The following FAT3 variants were observed in gnomAD, a reference collection of about 807,000 sequenced individuals.
FAT3 encodes the protein protocadherin Fat 3.
FAT3 carries 95 observed loss-of-function variants against 310.2 expected under a neutral mutation model. The ratio of observed to expected loss-of-function variants is 0.31; its 90% CI spans 0.26 to 0.36. FAT3 has a LOEUF of 0.36. FAT3 is among the 10% of genes least tolerant of loss of function. The pLI, the probability that FAT3 is intolerant of heterozygous loss-of-function variation, is 1.00. For missense variants in FAT3, 5,408 were observed against 5,715.6 expected (o/e 0.95, Z 1.74); for synonymous variants, 2,314 against 2,192.9 (o/e 1.06, Z -1.54).
intron 4 of FAT3, among the ~76,000 whole-genome samples, chr11:92,728,206 G>T (rs1945057427): frequency 6.6e-6 from 1 of 152,156 alleles, no homozygotes; most frequent in Non-Finnish European, 1.5e-5. Context: ...ATTATTAAGA[G>T]GAGTTCTAAA....
In FAT3 at chr11:92,631,070, C is replaced by A. The variant is rs1026446652; in HGVS notation, c.3608-66314C>A. ...AAGTCAAGAATTTTGATATTTATTT[C>A]CCTCCTTCAGGTCTTCAGCACCAAA... On this transcript the variant is annotated intron_variant, in intron 3 of 27. Coordinates refer to ENST00000525166, the MANE Select transcript of FAT3 (RefSeq NM_001367949.2). 7.2e-5 allele frequency among the ~76,000 whole-genome samples: 11 copies of A among 152,290 alleles called. No homozygotes were observed. In the South Asian group the frequency reaches 1.7e-3, roughly 23 times the overall value.
At chr11:92,533,548 T>A (rs945460648) in intron 3 of FAT3, among the ~76,000 whole-genome samples, 1 of 152,226 alleles carries the variant, frequency 6.6e-6, no homozygotes, top group East Asian at 1.9e-4. Flanking sequence ...TGCTCGATGC[T>A]GTTTCTTTAT....
intron 3 of FAT3, among the ~76,000 whole-genome samples, chr11:92,686,145 C>T (rs565141871): frequency 1.3e-5 from 2 of 152,250 alleles, no homozygotes; most frequent in East Asian, 3.9e-4. Flanking sequence ...ATGGTACTTC[C>T]TCCCTGAGAA....
At chr11:92,406,919 G>C (rs140438530) in intron 2 of FAT3, among the ~76,000 whole-genome samples, 22 of 152,288 alleles carry the variant, frequency 1.4e-4, no homozygotes, top group African/African-American at 5.3e-4. Flanking sequence ...CCACTCTACA[G>C]AGCATGAAGG....
At chr11:92,289,052 T>G (rs552023612) in intron 1 of FAT3, among the ~76,000 whole-genome samples, 11 of 151,990 alleles carry the variant, frequency 7.2e-5, no homozygotes, top group Admixed American at 2.0e-4. Context: ...TGGCTGGGGG[T>G]CAGAGGACTA....
intron 4 of FAT3, among the ~76,000 whole-genome samples, chr11:92,727,542 G>C (rs767123603): frequency 1.3e-5 from 2 of 152,082 alleles, no homozygotes; most frequent in Non-Finnish European, 2.9e-5. Flanking sequence ...TTATATAATA[G>C]AAAATGCAGT....
chr11:92,752,033 CAA>C (rs1945842929), intron 4 of FAT3, among the ~76,000 whole-genome samples: 1 of 152,184 alleles, frequency 6.6e-6, no homozygotes, highest in East Asian at 1.9e-4. Context: ...TCAGTATAAC[CAA>C]AGAGGCAGCA....
chr11:92,779,830 G>A (rs1177181688), intron 7 of FAT3, among the ~76,000 whole-genome samples: 1 of 152,130 alleles, frequency 6.6e-6, no homozygotes, highest in Non-Finnish European at 1.5e-5. Context: ...CAGCAAAAGG[G>A]TAAGTAAGAG....
At position 92,556,447 on chromosome 11, in the gene FAT3, G is replaced by A. The variant is rs541677305; in HGVS notation, c.3607+31499G>A. On this transcript the variant is annotated intron_variant, in intron 3 of 27. Transcript: ENST00000525166. Reference sequence around the variant, plus strand: ...TCAGCCCATTTCCTTGGCAAAGATGGTATGTTTTTATCAAGTCCTATTCCT... The same window carrying A: ...TCAGCCCATTTCCTTGGCAAAGATGATATGTTTTTATCAAGTCCTATTCCT... 5.9e-5 allele frequency among the ~76,000 whole-genome samples: 9 copies of A among 152,192 alleles called. No homozygotes were observed. The South Asian group carries it at 1.5e-3, about 25-fold the overall frequency.
chr11:92,659,651 GAGGGATGCTACCT>G (rs1942707737), intron 3 of FAT3, among the ~76,000 whole-genome samples: 1 of 152,182 alleles, frequency 6.6e-6, no homozygotes, highest in Non-Finnish European at 1.5e-5. Context: ...AATATCTCAG[GAGGGATGCTACCT>G]AGGTTCAGAC....
intron 2 of FAT3, among the ~76,000 whole-genome samples, chr11:92,438,982 C>T (rs1951009375): frequency 6.6e-6 from 1 of 152,186 alleles, no homozygotes; most frequent in Non-Finnish European, 1.5e-5. Flanking sequence ...CTCAGGCATC[C>T]AAGTGACACA....
At chr11:92,618,796 A>T (rs1400167868) in intron 3 of FAT3, among the ~76,000 whole-genome samples, 2 of 152,150 alleles carry the variant, frequency 1.3e-5, no homozygotes, top group East Asian at 3.9e-4. Flanking sequence ...ACACATGGAA[A>T]TAGTGCTAGT....
At chr11:92,249,043 G>T (rs1470736011) in intron 1 of FAT3, among the ~76,000 whole-genome samples, 2 of 152,038 alleles carry the variant, frequency 1.3e-5, no homozygotes, top group Admixed American at 6.6e-5. Flanking sequence ...TCACAAATTG[G>T]CCATCTAAAT....
At chr11:92,877,345 C>G (rs1243177166) in intron 22 of FAT3, among the ~76,000 whole-genome samples, 1 of 152,190 alleles carries the variant, frequency 6.6e-6, no homozygotes, top group African/African-American at 2.4e-5. Context: ...AGGATTCAAT[C>G]TGGATTCCCA....
chr11:92,747,106 G>T (rs115348169), intron 4 of FAT3, among the ~76,000 whole-genome samples: 1 of 152,206 alleles, frequency 6.6e-6, no homozygotes, highest in Non-Finnish European at 1.5e-5. Context: ...CTGTGTGGGG[G>T]CTCCAACCCC....
chr11:92,673,713 C>T (rs1286076145), intron 3 of FAT3, among the ~76,000 whole-genome samples: 1 of 152,046 alleles, frequency 6.6e-6, no homozygotes, highest in East Asian at 1.9e-4. Flanking sequence ...GATCTCTATG[C>T]ATTACTTTTC....
chr11:92,516,893 C>T (rs1312592528), intron 2 of FAT3, among the ~76,000 whole-genome samples: 1 of 152,052 alleles, frequency 6.6e-6, no homozygotes. Flanking sequence ...TTCACAATTA[C>T]TACAAAGAGA....
At chr11:92,606,445 T>C (rs1268786519) in intron 3 of FAT3, among the ~76,000 whole-genome samples, 1 of 152,182 alleles carries the variant, frequency 6.6e-6, no homozygotes, top group Non-Finnish European at 1.5e-5. Flanking sequence ...ACCTGGGCTT[T>C]GCCTGCAGCT....
At chr11:92,839,925 A>G (rs1450829412) in intron 17 of FAT3, among the ~76,000 whole-genome samples, 2 of 152,220 alleles carry the variant, frequency 1.3e-5, no homozygotes, top group African/African-American at 4.8e-5. Context: ...AAGAATTCTG[A>G]CAAAATTAAG....
Sources: allele counts gnomAD v4.1 joint callset (sites outside exome capture counted in the v4.1 genomes callset), GRCh38; gene constraint gnomAD v4.1.1; transcripts MANE v1.5; gene names NCBI Gene and HGNC (gene_info 2026-07-23, HGNC 2026-07-21).